SLC44A5: variants seen among roughly 807,000 people sequenced by gnomAD.
SLC44A5 encodes the protein choline transporter-like protein 5.
A neutral mutation model predicts 101.8 loss-of-function variants in SLC44A5; 57 were observed. The observed-to-expected ratio is 0.56, with a 90% CI of 0.45 to 0.70. The LOEUF is 0.70. SLC44A5 is among the 30% of genes least tolerant of loss of function. SLC44A5 has a pLI of 0.00. For missense variants in SLC44A5, 737 were observed against 853.1 expected (o/e 0.86, Z 1.70); for synonymous variants, 281 against 290.9 (o/e 0.97, Z 0.35).
chr1:75,594,566 C>A (rs1434376203), intron 1 of SLC44A5, among the ~76,000 whole-genome samples: 2 of 151,950 alleles, frequency 1.3e-5, no homozygotes, highest in African/African-American at 2.4e-5. Context: ...TGTAAAATGG[C>A]ATTCAAAATT....
At chr1:75,372,691 T>G (rs1660308063) in intron 3 of SLC44A5, among the ~76,000 whole-genome samples, 3 of 152,194 alleles carry the variant, frequency 2.0e-5, no homozygotes, top group Admixed American at 2.0e-4. Flanking sequence ...GAATTGACAT[T>G]AGCTAAACTT....
At chr1:75,375,341 C>G (rs1660505269) in intron 3 of SLC44A5, among the ~76,000 whole-genome samples, 2 of 152,180 alleles carry the variant, frequency 1.3e-5, no homozygotes, top group Admixed American at 1.3e-4. Flanking sequence ...GACAAACCCT[C>G]TAGAGACTAT....
chr1:75,238,160 T>C (rs1648277516), intron 10 of SLC44A5, among the ~76,000 whole-genome samples: 1 of 134,178 alleles, frequency 7.5e-6, no homozygotes, highest in Admixed American at 7.3e-5. Context: ...TTTATTTTCC[T>C]TTTTTTTTTT....
At chr1:75,514,591 C>G (rs1669729545) in intron 2 of SLC44A5, among the ~76,000 whole-genome samples, 1 of 152,196 alleles carries the variant, frequency 6.6e-6, no homozygotes, top group African/African-American at 2.4e-5. Flanking sequence ...TTATTTGGTA[C>G]TTCATTAAGT....
At chr1:75,281,212 T>C (rs1189272363) in intron 5 of SLC44A5, among the ~76,000 whole-genome samples, 3 of 152,090 alleles carry the variant, frequency 2.0e-5, no homozygotes, top group Non-Finnish European at 4.4e-5. Context: ...CAGGCTGAGA[T>C]GATCTCAGAT....
intron 4 of SLC44A5, 119 bp downstream of exon 4, chr1:75,339,463 T>C (rs894272009): frequency 1.4e-6 from 1 of 729,792 alleles, no homozygotes; most frequent in Non-Finnish European, 2.3e-6. Context: ...CAGAAATATA[T>C]CATTTTCCCC....
chr1:75,702,385 C>A, the SLC44A5 span, among the ~76,000 whole-genome samples: 12 of 152,026 alleles, frequency 7.9e-5, no homozygotes, highest in African/African-American at 2.9e-4. Context: ...CTTTGACAAA[C>A]CTGATAAAAA....
At chr1:75,480,388 G>A (rs2101770830) in intron 2 of SLC44A5, among the ~76,000 whole-genome samples, 1 of 152,246 alleles carries the variant, frequency 6.6e-6, no homozygotes, top group Admixed American at 6.5e-5. Context: ...ACATAGTGTT[G>A]GAAGTTCTGG....
At chr1:75,496,913 A>G (rs975903247) in intron 2 of SLC44A5, among the ~76,000 whole-genome samples, 3 of 152,280 alleles carry the variant, frequency 2.0e-5, no homozygotes, top group African/African-American at 7.2e-5. Flanking sequence ...AGGGAAATGC[A>G]CATCAAAACC....
intron 4 of SLC44A5, among the ~76,000 whole-genome samples, chr1:75,322,313 A>G (rs1192086682): frequency 6.6e-6 from 1 of 152,120 alleles, no homozygotes; most frequent in Non-Finnish European, 1.5e-5. Flanking sequence ...CTCCATCTCA[A>G]AAAAAGAGCA....
At chr1:75,564,406 T>A (rs1672675490) in intron 1 of SLC44A5, among the ~76,000 whole-genome samples, 1 of 151,326 alleles carries the variant, frequency 6.6e-6, no homozygotes, top group Non-Finnish European at 1.5e-5. Flanking sequence ...TGAATCACCT[T>A]CCTCTCATAA....
rs559670778 is a variant in SLC44A5, at chr1:75,516,887, C to A, written c.13+24548G>T. ...ATTTCAAAGTGGCTCTTAGCTGCTG[C>A]ATCCTAGAGTATCTCCCATTATAAG... On this transcript the variant is annotated intron_variant, in intron 2 of 23. Coordinates refer to ENST00000370859, the MANE Select transcript of SLC44A5 (RefSeq NM_001130058.2). Among the ~76,000 whole-genome samples the A allele has an allele frequency of 3.9e-5, 6 of 152,306 alleles. No individual in the cohort carries two copies. In the South Asian group the frequency reaches 1.2e-3, roughly 32 times the overall value.
intron 6 of SLC44A5, among the ~76,000 whole-genome samples, chr1:75,265,812 C>G (rs1379432344): frequency 1.3e-5 from 2 of 152,136 alleles, no homozygotes; most frequent in Non-Finnish European, 2.9e-5. Context: ...GGTAATGGTG[C>G]TACATCAGAC....
the SLC44A5 span, among the ~76,000 whole-genome samples, chr1:75,703,526 G>A: frequency 2.0e-5 from 3 of 152,118 alleles, no homozygotes; most frequent in East Asian, 5.8e-4. Flanking sequence ...TGGGGCGAGG[G>A]GGGAGGGATA....
intron 1 of SLC44A5, among the ~76,000 whole-genome samples, chr1:75,562,148 A>G (rs889614616): frequency 1.3e-5 from 2 of 152,166 alleles, no homozygotes; most frequent in African/African-American, 4.8e-5. Context: ...ACACAATTTT[A>G]GGATATTTTG....
chr1:75,640,386 C>T, the SLC44A5 span, among the ~76,000 whole-genome samples: 1 of 152,054 alleles, frequency 6.6e-6, no homozygotes, highest in Non-Finnish European at 1.5e-5. Context: ...CAAGCCTTTG[C>T]TTGCTGTATA....
upstream of SLC44A5, chr1:75,615,786 C>T: frequency 3.3e-6 from 3 of 897,476 alleles, no homozygotes; most frequent in Non-Finnish European, 4.0e-6. Context: ...TGTAAACAGG[C>T]CGGCCCGAGG....
rs753477476 is a variant in SLC44A5, at chr1:75,422,848, T to C, written c.14-26227A>G. ...GGCCTAGATTTTGACTCTAGGTCTA[T>C]TGCACTTTCCACTACCCATAGCTGC... is the stretch of plus-strand genomic sequence containing the variant. On this transcript the variant is annotated intron_variant, in intron 2 of 23. Transcript: ENST00000370859. Among the ~76,000 whole-genome samples the C allele has an allele frequency of 3.3e-5, 5 of 152,186 alleles. No homozygotes were observed. The South Asian group carries it at 6.2e-4, about 19-fold the overall frequency.
intron 1 of SLC44A5, among the ~76,000 whole-genome samples, chr1:75,594,030 GA>G (rs1674503131): frequency 6.6e-6 from 1 of 152,012 alleles, no homozygotes; most frequent in South Asian, 2.1e-4. Flanking sequence ...AAATGCTTGA[GA>G]AGATGAATAC....
Sources: gnomAD v4.1 joint callset for allele counts (sites outside exome capture counted in the v4.1 genomes callset) on GRCh38, gnomAD v4.1.1 for gene constraint, MANE v1.5 for transcripts, NCBI Gene and HGNC (gene_info 2026-07-23, HGNC 2026-07-21) for gene names.